Variants in CNTNAP2 observed in about 807,000 individuals in gnomAD.
CNTNAP2 encodes the protein contactin-associated protein-like 2.
A neutral mutation model predicts 155.2 loss-of-function variants in CNTNAP2; 98 were observed. That is an observed-to-expected ratio of 0.63 (90% CI 0.54 to 0.75). The LOEUF (loss-of-function observed/expected upper bound fraction) is 0.75, where lower values mean the gene tolerates loss of function less well. Ranked by LOEUF, CNTNAP2 falls within the 30% of genes least tolerant of loss-of-function variation. The pLI is 0.00. For synonymous variants in CNTNAP2, 651 were observed against 631.2 expected, an observed-to-expected ratio of 1.03 and a Z score of -0.47; for missense variants, 1,727 against 1,688.1, an observed-to-expected ratio of 1.02 and a Z score of -0.40.
chr7:146,280,975 T>C (rs1053539092), intron 1 of CNTNAP2, among the ~76,000 whole-genome samples: 1 of 152,162 alleles, frequency 6.6e-6, no homozygotes, highest in Non-Finnish European at 1.5e-5. Flanking sequence ...TTTCCTTTCC[T>C]GAACATTTCA....
chr7:148,291,498 T>C (rs1484654234), intron 21 of CNTNAP2, among the ~76,000 whole-genome samples: 1 of 151,858 alleles, frequency 6.6e-6, no homozygotes, highest in Non-Finnish European at 1.5e-5. Flanking sequence ...CTAGGCCAAG[T>C]CTCCCTCTTC....
intron 21 of CNTNAP2, among the ~76,000 whole-genome samples, chr7:148,298,593 A>C (rs1797326595): frequency 1.3e-5 from 2 of 152,174 alleles, no homozygotes. Context: ...CCTCACAGAC[A>C]CACCCAGGAA....
intron 1 of CNTNAP2, among the ~76,000 whole-genome samples, chr7:146,218,798 T>C (rs1420559811): frequency 6.6e-6 from 1 of 152,104 alleles, no homozygotes; most frequent in African/African-American, 2.4e-5. Context: ...GGCAAAGCTT[T>C]GGGAGAATGA....
intron 21 of CNTNAP2, among the ~76,000 whole-genome samples, chr7:148,339,258 A>G (rs1362931264): frequency 1.3e-5 from 1 of 79,120 alleles, no homozygotes; most frequent in East Asian, 3.5e-4. Flanking sequence ...CCAAACATCG[A>G]AAAAAAAAAA....
chr7:147,581,338 CATACAAGTAATTTT>C (rs967867219), intron 12 of CNTNAP2, among the ~76,000 whole-genome samples: 81 of 152,296 alleles, frequency 5.3e-4, no homozygotes, highest in African/African-American at 1.6e-3. Flanking sequence ...ACCAGATTTA[CATACAAGTAATTTT>C]GGGCTATTGT....
intron 21 of CNTNAP2, among the ~76,000 whole-genome samples, chr7:148,327,359 C>T (rs1407346039): frequency 1.3e-5 from 2 of 152,190 alleles, no homozygotes; most frequent in Non-Finnish European, 1.5e-5. Flanking sequence ...AAGTGCTGGA[C>T]GACTTCTCCC....
chr7:147,083,109 TGACTTGGATAGTTCAG>T (rs1386548447), intron 4 of CNTNAP2: 1 of 152,098 alleles, frequency 6.6e-6, no homozygotes, highest in African/African-American at 2.4e-5. Flanking sequence ...TTGCCTCGGT[TGACTTGGATAGTTCAG>T]GACTGGCTCC....
chr7:147,390,958 C>G (rs947464071), intron 9 of CNTNAP2, among the ~76,000 whole-genome samples: 3 of 152,044 alleles, frequency 2.0e-5, no homozygotes, highest in African/African-American at 7.2e-5. Flanking sequence ...AAGTCTCATT[C>G]CACTAGGCCA....
At chr7:148,155,683 A>G (rs375711009) in intron 17 of CNTNAP2, among the ~76,000 whole-genome samples, 1 of 152,236 alleles carries the variant, frequency 6.6e-6, no homozygotes, top group South Asian at 2.1e-4. Flanking sequence ...TAAAAAATTT[A>G]TATCTCAAAA....
intron 1 of CNTNAP2, among the ~76,000 whole-genome samples, chr7:146,541,410 A>G (rs575428036): frequency 5.3e-5 from 8 of 152,160 alleles, no homozygotes; most frequent in African/African-American, 1.4e-4. Flanking sequence ...TTGGACAAAG[A>G]TCTTTGGAGA....
intron 2 of CNTNAP2, among the ~76,000 whole-genome samples, chr7:146,838,267 G>T (rs191258438): frequency 6.6e-6 from 1 of 152,104 alleles, no homozygotes; most frequent in Non-Finnish European, 1.5e-5. Context: ...TATGGATCAC[G>T]TACTGCACTG....
intron 8 of CNTNAP2, among the ~76,000 whole-genome samples, chr7:147,267,708 G>C (rs535482813): frequency 6.6e-6 from 1 of 152,228 alleles, no homozygotes; most frequent in South Asian, 2.1e-4. Flanking sequence ...ATAAATAAAT[G>C]TCTGGATAAA....
At chr7:147,418,693 T>G (rs1294270537) in intron 10 of CNTNAP2, among the ~76,000 whole-genome samples, 3 of 152,236 alleles carry the variant, frequency 2.0e-5, no homozygotes, top group Admixed American at 2.0e-4. Context: ...TTTCAAACAA[T>G]TGACTGGCAA....
At chr7:148,199,899 A>G (rs1795340410) in intron 18 of CNTNAP2, among the ~76,000 whole-genome samples, 1 of 152,182 alleles carries the variant, frequency 6.6e-6, no homozygotes, top group South Asian at 2.1e-4. Context: ...TCTGAGCCCA[A>G]AGGCTTCAGA....
intron 1 of CNTNAP2, among the ~76,000 whole-genome samples, chr7:146,317,879 C>A (rs1365777639): frequency 6.6e-6 from 1 of 152,176 alleles, no homozygotes; most frequent in Non-Finnish European, 1.5e-5. Flanking sequence ...TGGCGGCTCA[C>A]GCCTGTAATC....
chr7:147,682,781 A>G (rs970075229), intron 13 of CNTNAP2, among the ~76,000 whole-genome samples: 6 of 151,948 alleles, frequency 3.9e-5, no homozygotes, highest in Admixed American at 2.0e-4. Flanking sequence ...TCTGTTCTAC[A>G]TTATACACAT....
chr7:148,386,841 A>T (rs1193205178), intron 22 of CNTNAP2, among the ~76,000 whole-genome samples: 2 of 151,884 alleles, frequency 1.3e-5, no homozygotes, highest in African/African-American at 4.9e-5. Flanking sequence ...AAACTCAGTA[A>T]GTAGTTAAAG....
At chr7:148,023,155 G>T (rs187778606) in intron 15 of CNTNAP2, among the ~76,000 whole-genome samples, 41 of 152,188 alleles carry the variant, frequency 2.7e-4, no homozygotes, top group Admixed American at 2.2e-3. Context: ...GAAATTACCC[G>T]TTTCCAATAT....
At chr7:146,677,294 G>A (rs1322685644) in intron 1 of CNTNAP2, among the ~76,000 whole-genome samples, 1 of 152,156 alleles carries the variant, frequency 6.6e-6, no homozygotes, top group Admixed American at 6.6e-5. Flanking sequence ...GACCTGGAAT[G>A]CATAGAAAGG....
Sources: allele counts gnomAD v4.1 joint callset (sites outside exome capture counted in the v4.1 genomes callset), GRCh38; gene constraint gnomAD v4.1.1; transcripts MANE v1.5; gene names NCBI Gene and HGNC (gene_info 2026-07-23, HGNC 2026-07-21).